Variants in DLGAP5 observed in about 807,000 individuals in gnomAD.
DLGAP5 encodes the protein DLG associated protein 5.
In DLGAP5, 90 loss-of-function variants were observed where a neutral mutation model predicts 99.6. The observed-to-expected ratio is 0.90, with a 90% CI of 0.76 to 1.08. DLGAP5 has a LOEUF of 1.08. Ranked by LOEUF, DLGAP5 falls within the 50% of genes least tolerant of loss-of-function variation. DLGAP5 has a pLI of 0.00. For synonymous variants in DLGAP5, 311 were observed against 321.3 expected, an observed-to-expected ratio of 0.97 and a Z score of 0.34; for missense variants, 1,036 against 983.5, an observed-to-expected ratio of 1.05 and a Z score of -0.71.
intron 10 of DLGAP5, among the ~76,000 whole-genome samples, chr14:55,172,159 C>G (rs965053080): frequency 2.7e-5 from 4 of 148,614 alleles, no homozygotes; most frequent in Non-Finnish European, 5.9e-5. Context: ...AGCCACCGAA[C>G]CCGGCAGGTT....
At chr14:55,183,341 G>A (rs2139529320) in intron 3 of DLGAP5, among the ~76,000 whole-genome samples, 1 of 152,202 alleles carries the variant, frequency 6.6e-6, no homozygotes, top group East Asian at 1.9e-4. Flanking sequence ...ACATTGTTCA[G>A]CCTGATTCTA....
intron 8 of DLGAP5, among the ~76,000 whole-genome samples, 179 bp from the exon 9 acceptor site, chr14:55,176,197 A>C (rs1448968902): frequency 6.6e-6 from 1 of 152,214 alleles, no homozygotes; most frequent in East Asian, 1.9e-4. Context: ...GTCCATTTTT[A>C]CTAATTAATT....
intron 10 of DLGAP5, among the ~76,000 whole-genome samples, chr14:55,173,507 ATACT>A (rs953695192): frequency 1.1e-4 from 17 of 152,268 alleles, no homozygotes; most frequent in Admixed American, 5.9e-4. Context: ...CTATAATGAG[ATACT>A]TACTTCTCAT....
intron 13 of DLGAP5, among the ~76,000 whole-genome samples, chr14:55,161,248 A>T (rs950637072): frequency 6.6e-6 from 1 of 152,114 alleles, no homozygotes; most frequent in South Asian, 2.1e-4. Flanking sequence ...ATCACTGATG[A>T]TATTAATATT....
intron 14 of DLGAP5, among the ~76,000 whole-genome samples, chr14:55,157,023 G>C (rs1169543320): frequency 6.6e-6 from 1 of 152,184 alleles, no homozygotes; most frequent in East Asian, 1.9e-4. Flanking sequence ...AAGAGAGATG[G>C]TGGTAAACAA....
intron 15 of DLGAP5, among the ~76,000 whole-genome samples, chr14:55,154,045 G>A (rs763469815): frequency 1.3e-5 from 2 of 152,102 alleles, no homozygotes; most frequent in African/African-American, 4.8e-5. Context: ...AACAGAGTGA[G>A]ACTCCACCTC....
At position 55,154,812 on chromosome 14, in the gene DLGAP5, A is replaced by G; in HGVS notation, c.1874-6T>C. ...TTCAGAAGAGACAGAAAGTCCTAGAAGATGAGAGAAATCACCTCAATACCA... is the reference window on the plus strand; with the variant it reads ...TTCAGAAGAGACAGAAAGTCCTAGAGGATGAGAGAAATCACCTCAATACCA... On this transcript the variant is annotated splice_region_variant and splice_polypyrimidine_tract_variant and intron_variant, in intron 14 of 18. Coordinates refer to ENST00000247191, the MANE Select transcript of DLGAP5 (RefSeq NM_014750.5). The G allele has an allele frequency of 6.2e-7, 1 of 1,612,464 alleles. No homozygotes were observed. Among genetic ancestry groups the G allele is most frequent in the Non-Finnish European group, 8.5e-7 (1 of 1,179,350 alleles).
chr14:55,187,378 G>A (rs1487465706), intron 2 of DLGAP5, among the ~76,000 whole-genome samples: 1 of 142,216 alleles, frequency 7.0e-6, no homozygotes, highest in Admixed American at 7.2e-5. Flanking sequence ...GAGTACAATA[G>A]CGTGATCTCA....
In DLGAP5 at chr14:55,175,937, A is replaced by T; in HGVS notation, c.1131T>A (p.Asn377Lys). Residue 377 changes from asparagine (N) to lysine (K), a missense_variant, in exon 9 of 19, where the codon AAT becomes AAA. Coordinates refer to ENST00000247191, the MANE Select transcript of DLGAP5 (RefSeq NM_014750.5). ...YSTKTIQQDSNKLPCPLGPLT... is the reference protein window; with the variant it reads ...YSTKTIQQDSKKLPCPLGPLT... ...GAGGACCCAAAGGACATGGCAATTT[A>T]TTTGAATCTTGCTGTATTGTCTTGG... The T allele has an allele frequency of 6.2e-7, 1 of 1,610,156 alleles. No individual in the cohort carries two copies. Among genetic ancestry groups the T allele is most frequent in the Non-Finnish European group, 8.5e-7 (1 of 1,177,520 alleles).
At chr14:55,188,377 C>A (rs941486822) in intron 2 of DLGAP5, among the ~76,000 whole-genome samples, 1 of 152,176 alleles carries the variant, frequency 6.6e-6, no homozygotes, top group Non-Finnish European at 1.5e-5. Context: ...TCTGGGCAAA[C>A]TGCAAGGATG....
intron 2 of DLGAP5, among the ~76,000 whole-genome samples, chr14:55,187,254 T>A (rs1351983366): frequency 6.6e-6 from 1 of 151,944 alleles, no homozygotes; most frequent in African/African-American, 2.4e-5. Context: ...GTCTACTTAC[T>A]GCTCTCCCTG....
chr14:55,175,991 A>C lies in DLGAP5; in HGVS notation c.1077T>G (p.Ile359Met). Residue 359 changes from isoleucine to methionine, a missense_variant, in exon 9 of 19, where the codon ATT becomes ATG. Coordinates refer to ENST00000247191, the MANE Select transcript of DLGAP5 (RefSeq NM_014750.5). ...EVDESQATKE[I>M]LAQKCKTYST... is the part of the protein sequence containing the mutation. ...AGTAAGTTTTACATTTTTGTGCCAA[A>C]ATTTCTTTTGTTGCTTGAGACTCAT... 6.3e-7 allele frequency: 1 copy of C among 1,592,758 alleles called. No individual in the cohort carries two copies. Among genetic ancestry groups the C allele is most frequent in the Non-Finnish European group, 8.6e-7 (1 of 1,163,340 alleles).
At position 55,175,478 on chromosome 14, in the gene DLGAP5, A is replaced by G; in HGVS notation, c.1175-6T>C. ...ATTTTTATTTAAAACATGTTCTATAAATTAAAGAAAATCTTACATATAAAT... is the reference window on the plus strand; with the variant it reads ...ATTTTTATTTAAAACATGTTCTATAGATTAAAGAAAATCTTACATATAAAT... On this transcript the variant is annotated splice_polypyrimidine_tract_variant and splice_region_variant and intron_variant, in intron 9 of 18. Transcript: ENST00000247191. 8.3e-7 allele frequency: 1 copy of G among 1,211,652 alleles called. No homozygotes were observed. The highest frequency in any genetic ancestry group is 1.2e-6 in the Non-Finnish European group (1 of 851,416). The allele number at this position is 1,211,652 out of a possible 1,614,324, so 75.1% of individuals were successfully genotyped here.
At position 55,186,549 on chromosome 14, in the gene DLGAP5, A is replaced by G. The variant is rs565985472; in HGVS notation, c.238+2393T>C. ...TTCATGCCATTGTCTTACTGACAAA[A>G]GGTAGTCAGTTTTCCTATTGAATGT... On this transcript the variant is annotated intron_variant, in intron 2 of 18. Transcript: ENST00000247191. Among the ~76,000 whole-genome samples, 56 of 152,170 alleles carry G rather than the reference A, an allele frequency of 3.7e-4. 1 individual carries two copies. In the South Asian group the frequency reaches 0.011, roughly 30 times the overall value.
At chr14:55,163,634 C>T (rs901755088) in intron 12 of DLGAP5, among the ~76,000 whole-genome samples, 5 of 152,164 alleles carry the variant, frequency 3.3e-5, no homozygotes, top group Non-Finnish European at 7.3e-5. Context: ...TTTTGCATTC[C>T]CATAGGCAAT....
chr14:55,169,335 T>G, intron 12 of DLGAP5, 64 bp downstream of exon 12: 1 of 1,219,938 alleles, frequency 8.2e-7, no homozygotes, highest in Non-Finnish European at 1.1e-6. Flanking sequence ...ATTTTACTCC[T>G]GCTACTTAAA....
chr14:55,169,395 A>G lies in DLGAP5; in HGVS notation c.1548+4T>C, dbSNP rs757867714. 6.0e-6 allele frequency: 9 copies of G among 1,505,116 alleles called. No homozygotes were observed. The highest frequency in any genetic ancestry group is 7.9e-6 in the Non-Finnish European group (9 of 1,133,772). The allele number at this position is 1,505,116 out of a possible 1,614,324, so 93.2% of individuals were successfully genotyped here. On this transcript the variant is annotated splice_donor_region_variant and intron_variant, in intron 12 of 18. Transcript: ENST00000247191. ...TAATATATTTGAAATATTGAACCACATACCTGAAAACTAACCATATCCCAA... is the reference window on the plus strand; with the variant it reads ...TAATATATTTGAAATATTGAACCACGTACCTGAAAACTAACCATATCCCAA...
chr14:55,164,645 G>A (rs556073029), intron 12 of DLGAP5, among the ~76,000 whole-genome samples: 1 of 151,980 alleles, frequency 6.6e-6, no homozygotes, highest in South Asian at 2.1e-4. Context: ...AAAATGGCCG[G>A]GTGCAGTGGC....
chr14:55,169,061 A>G (rs1179112248), intron 12 of DLGAP5, among the ~76,000 whole-genome samples: 4 of 151,500 alleles, frequency 2.6e-5, no homozygotes, highest in African/African-American at 9.7e-5. Flanking sequence ...CTGTAGTCCC[A>G]GCTACTCGGG....
Sources: gnomAD v4.1 joint callset for allele counts (sites outside exome capture counted in the v4.1 genomes callset) on GRCh38, gnomAD v4.1.1 for gene constraint, MANE v1.5 for transcripts, NCBI Gene and HGNC (gene_info 2026-07-23, HGNC 2026-07-21) for gene names.